DYSF: variants seen among roughly 807,000 people sequenced by gnomAD.
The protein encoded by DYSF is dystrophy-associated fer-1-like 1.
Under a neutral mutation model 274.9 loss-of-function variants are expected in DYSF, and 212 were observed. The ratio of observed to expected loss-of-function variants is 0.77; its 90% confidence interval spans 0.69 to 0.86. The LOEUF is 0.86. Ranked by LOEUF, DYSF falls within the 40% of genes least tolerant of loss-of-function variation. The pLI is 0.00. For synonymous variants in DYSF, 1,091 were observed against 1,078.7 expected (o/e 1.01, Z -0.22); for missense variants, 2,666 against 2,783.2 (o/e 0.96, Z 0.95).
In DYSF at chr2:71,570,322, G is replaced by A; in HGVS notation, c.3073G>A (p.Val1025Ile). ...EEWSTDLNRAVDEQGWEYSIT... is the reference protein window; with the variant it reads ...EEWSTDLNRAIDEQGWEYSIT... ...ATGGTCCACAGACCTCAACCGGGCT[G>A]TCGATGAGCAAGGTGGGCAGCATGT... Residue 1025 changes from valine to isoleucine, a missense_variant, in exon 28 of 56, where the codon GTC becomes ATC. Val to Ile is a conservative substitution (Grantham distance 29). Coordinates refer to ENST00000410020, the MANE Select transcript of DYSF (RefSeq NM_001130987.2). The A allele has an allele frequency of 6.2e-7, 1 of 1,614,102 alleles. No individual in the cohort carries two copies. Among genetic ancestry groups the A allele is most frequent in the Non-Finnish European group, 8.5e-7 (1 of 1,179,992 alleles).
At chr2:71,617,790 G>GT in intron 40 of DYSF, among the ~76,000 whole-genome samples, 1 of 144,758 alleles carries the variant, frequency 6.9e-6, no homozygotes, top group Non-Finnish European at 1.5e-5. Flanking sequence ...GTGTGTGTGT[G>GT]GTAGAGGTGG....
At position 71,686,481 on chromosome 2, in the gene DYSF, C is replaced by T; in HGVS notation, c.6349C>T (p.Pro2117Ser). 6.2e-7 allele frequency: 1 copy of T among 1,614,122 alleles called. No individual in the cohort carries two copies. Among genetic ancestry groups the T allele is most frequent in the Non-Finnish European group, 8.5e-7 (1 of 1,180,012 alleles). Residue 2117 changes from proline to serine, a missense_variant, in exon 56 of 56, where the codon CCC (proline) becomes TCC (serine). By Grantham distance (74) the Pro-to-Ser change is moderately conservative. Transcript: ENST00000410020. ...PNYAAMKLVKPFS is the reference protein window; with the variant it reads ...PNYAAMKLVKSFS ...CTATGCTGCCATGAAGCTGGTGAAG[C>T]CCTTCAGCTGAGGACTCTCCTGCCC...
At chr2:71,579,556 A>G (rs2092820185) in intron 30 of DYSF, among the ~76,000 whole-genome samples, 1 of 152,242 alleles carries the variant, frequency 6.6e-6, no homozygotes, top group Non-Finnish European at 1.5e-5. Flanking sequence ...CATAGAGGAT[A>G]AGAATTATTA....
Position 71,516,983 on chromosome 2 carries a change from C to G in DYSF, c.952-6C>G, listed in dbSNP as rs772653237. The G allele has an allele frequency of 4.3e-6, 7 of 1,613,980 alleles. No individual in the cohort carries two copies. The highest frequency in any genetic ancestry group is 2.7e-5 in the African/African-American group (2 of 74,926). On this transcript the variant is annotated splice_region_variant and splice_polypyrimidine_tract_variant and intron_variant, in intron 9 of 55. Coordinates refer to ENST00000410020, the MANE Select transcript of DYSF (RefSeq NM_001130987.2). Reference sequence around the variant, plus strand: ...GAATGTGAGTTTCCATGATCTTTCTCTGCAGGTGGTAGACTCTCGTTCTCT... The same window carrying G: ...GAATGTGAGTTTCCATGATCTTTCTGTGCAGGTGGTAGACTCTCGTTCTCT...
upstream of DYSF, among the ~76,000 whole-genome samples, chr2:71,465,298 C>T (rs1170405639): frequency 6.6e-6 from 1 of 152,098 alleles, no homozygotes; most frequent in Non-Finnish European, 1.5e-5. Context: ...TTTGTAGGAA[C>T]AGGAGAGAAC....
Position 71,611,314 on chromosome 2 carries a change from A to T in DYSF, c.4027A>T (p.Ile1343Phe), listed in dbSNP as rs145401010. 5 of 1,613,996 alleles carry T rather than the reference A, an allele frequency of 3.1e-6. No homozygotes were observed. Among genetic ancestry groups the T allele is most frequent in the Non-Finnish European group, 4.2e-6 (5 of 1,179,884 alleles). ...EANIYMVPQN[I>F]KPALQRTAIE... is the part of the protein sequence containing the mutation. Reference sequence around the variant, plus strand: ...CAACATCTACATGGTTCCTCAGAACATCAAGCCAGCGCTCCAGCGTACCGC... The same window carrying T: ...CAACATCTACATGGTTCCTCAGAACTTCAAGCCAGCGCTCCAGCGTACCGC... Residue 1343 changes from isoleucine (I) to phenylalanine (F), a missense_variant, in exon 37 of 56, where the codon ATC becomes TTC. Physicochemically the swap from Ile to Phe is conservative, Grantham distance 21 (BLOSUM62 0). Around this residue, in one of 3 missense-constraint regions of DYSF, gnomAD observed 1,460 missense variants for 1,502.1 expected, o/e 0.97. Coordinates refer to ENST00000410020, the MANE Select transcript of DYSF (RefSeq NM_001130987.2).
Position 71,535,179 on chromosome 2 carries a change from C to T in DYSF, c.1450-89C>T, listed in dbSNP as rs115823472. 0.024 allele frequency: 37,997 copies of T among 1,599,742 alleles called. 560 individuals carry two copies. Among genetic ancestry groups the T allele is most frequent in the Middle Eastern group, 0.03 (183 of 6,048 alleles). On this transcript the variant is annotated intron_variant, in intron 15 of 55. Transcript: ENST00000410020. ...GGCTCCTGCCTCCCCAGCATCCTGCCAGTATCCCAGACTTCAGCTCGGGGT... is the reference window on the plus strand; with the variant it reads ...GGCTCCTGCCTCCCCAGCATCCTGCTAGTATCCCAGACTTCAGCTCGGGGT...
intron 1 of DYSF, among the ~76,000 whole-genome samples, chr2:71,458,972 A>G (rs1323827065): frequency 6.6e-6 from 1 of 152,156 alleles, no homozygotes; most frequent in African/African-American, 2.4e-5. Flanking sequence ...GACAGGCCCT[A>G]ATCATGGCTG....
chr2:71,505,576 G>C (rs771079883), intron 4 of DYSF, among the ~76,000 whole-genome samples: 2 of 152,204 alleles, frequency 1.3e-5, no homozygotes, highest in Non-Finnish European at 2.9e-5. Flanking sequence ...TCTCACCCAA[G>C]TCCCTTCAGA....
In DYSF at chr2:71,611,296, T is replaced by A; in HGVS notation, c.4009T>A (p.Tyr1337Asn). The A allele has an allele frequency of 6.2e-7, 1 of 1,614,004 alleles. No homozygotes were observed. The highest frequency in any genetic ancestry group is 8.5e-7 in the Non-Finnish European group (1 of 1,179,896). Residue 1337 changes from tyrosine (Y) to asparagine (N), a missense_variant, in exon 37 of 56, where the codon TAC becomes AAC. Tyr to Asn is a moderately radical substitution (Grantham distance 143). Transcript: ENST00000410020. ...ACCACCCCAGAGGGAGGCCAACATC[T>A]ACATGGTTCCTCAGAACATCAAGCC... The part of the protein sequence containing the change: ...YPPPQREANI[Y>N]MVPQNIKPAL...
chr2:71,470,954 G>C (rs1453621552), intron 1 of DYSF, among the ~76,000 whole-genome samples: 1 of 151,578 alleles, frequency 6.6e-6, no homozygotes, highest in African/African-American at 2.4e-5. Context: ...ACCATGCCTG[G>C]CTAATTTTTA....
rs73942323 is a variant in DYSF, at chr2:71,552,060, T to C, written c.1806+340T>C. Among the ~76,000 whole-genome samples the C allele has an allele frequency of 5.6e-4, 85 of 152,354 alleles. 1 individual carries two copies. Among genetic ancestry groups the C allele is most frequent in the African/African-American group, 2.0e-3 (82 of 41,582 alleles). On this transcript the variant is annotated intron_variant, in intron 19 of 55. Coordinates refer to ENST00000410020, the MANE Select transcript of DYSF (RefSeq NM_001130987.2). ...ACTGAACATGTATCAGGCACTGTGC[T>C]GCTGACACCTCTGCCATTACTGACT... is the stretch of plus-strand genomic sequence containing the variant.
At chr2:71,571,894 CCAGCACACACA>C (rs2152819044) in intron 29 of DYSF, among the ~76,000 whole-genome samples, 1 of 130,122 alleles carries the variant, frequency 7.7e-6, no homozygotes, top group Admixed American at 7.8e-5. Flanking sequence ...CAGCTCACAC[CCAGCACACACA>C]CAGATCACAC....
In DYSF at chr2:71,667,420, C is replaced by T. The variant is rs545645581; in HGVS notation, c.5362C>T (p.Arg1788Cys). ...CCCACACCTGGGCCCAGTGGAGGAG[C>T]GTCTGGCTCTGCATGTGCTTCAGCA... ...PNPHLGPVEE[R>C]LALHVLQQQG... The change falls in exon 48 of 56, where the codon CGT becomes TGT. Residue 1788 changes from arginine (R) to cysteine (C), a missense_variant. Around this residue, in one of 3 missense-constraint regions of DYSF, gnomAD observed 1,460 missense variants for 1,502.1 expected, o/e 0.97. Transcript: ENST00000410020. 65 of 1,614,114 alleles carry T rather than the reference C, an allele frequency of 4.0e-5. No homozygotes were observed. The African/African-American group carries it at 4.5e-4, about 11-fold the overall frequency.
At chr2:71,636,409 G>A (rs2094403362) in intron 41 of DYSF, among the ~76,000 whole-genome samples, 1 of 152,138 alleles carries the variant, frequency 6.6e-6, no homozygotes, top group South Asian at 2.1e-4. Flanking sequence ...CTGGTTCTGA[G>A]TATACACTGG....
intron 12 of DYSF, among the ~76,000 whole-genome samples, chr2:71,524,571 G>A (rs1258247167): frequency 2.0e-5 from 3 of 152,342 alleles, no homozygotes; most frequent in African/African-American, 7.2e-5. Context: ...GTGACTGAGT[G>A]AGAAATGGGG....
At chr2:71,508,234 C>T (rs1026853147) in intron 4 of DYSF, among the ~76,000 whole-genome samples, 1 of 152,172 alleles carries the variant, frequency 6.6e-6, no homozygotes, top group African/African-American at 2.4e-5. Context: ...AGGGTGCCAA[C>T]CTCCTGGCCC....
At chr2:71,603,617 C>T (rs1010288055) in intron 36 of DYSF, among the ~76,000 whole-genome samples, 2 of 152,220 alleles carry the variant, frequency 1.3e-5, no homozygotes. Context: ...GCACCCCTTA[C>T]CTCACTTCCT....
intron 40 of DYSF, among the ~76,000 whole-genome samples, chr2:71,618,647 TGTGTGGC>T: frequency 4.8e-5 from 3 of 62,198 alleles, no homozygotes; most frequent in Admixed American, 1.8e-4. Flanking sequence ...GGAGGTGGTG[TGTGTGGC>T]AGAGGAGGTG....
Sources: gnomAD v4.1 joint callset for allele counts (sites outside exome capture counted in the v4.1 genomes callset) on GRCh38, gnomAD v4.1.1 for gene constraint, gnomAD v4.1.1 regional missense constraint, MANE v1.5 for transcripts, NCBI Gene and HGNC (gene_info 2026-07-23, HGNC 2026-07-21) for gene names.